The following BCAS3 variants were observed in gnomAD, a reference collection of about 807,000 sequenced individuals.
The protein encoded by BCAS3 is BCAS3 microtubule associated cell migration factor, also known as BCAS4/BCAS3 fusion.
Under a neutral mutation model 116.1 loss-of-function variants are expected in BCAS3, and 53 were observed. The observed-to-expected ratio is 0.46, with a 90% confidence interval of 0.37 to 0.57. BCAS3 has a LOEUF of 0.57. BCAS3 is among the 20% of genes least tolerant of loss of function. The probability of loss-of-function intolerance (pLI) is 0.00; values close to 1 mark genes in which losing one functional copy is unlikely to be tolerated. For missense variants in BCAS3, 917 were observed against 1,165.4 expected, an observed-to-expected ratio of 0.79 and a Z score of 3.10; for synonymous variants, 391 against 408.2, an observed-to-expected ratio of 0.96 and a Z score of 0.51.
chr17:61,312,068 G>A (rs536342997), intron 22 of BCAS3, among the ~76,000 whole-genome samples: 1 of 152,348 alleles, frequency 6.6e-6, no homozygotes, highest in Admixed American at 6.5e-5. Context: ...AACAGGAGGG[G>A]AGAATCGTTT....
At chr17:60,899,115 G>A (rs1041049612) in intron 10 of BCAS3, among the ~76,000 whole-genome samples, 1 of 152,134 alleles carries the variant, frequency 6.6e-6, no homozygotes, top group Non-Finnish European at 1.5e-5. Flanking sequence ...GGTGGGTGGG[G>A]ACAGGGTAAT....
At position 61,034,868 on chromosome 17, in the gene BCAS3, G is replaced by C. The variant is rs2066897668; in HGVS notation, c.1762+78G>C. 9 of 1,408,946 alleles carry C rather than the reference G, an allele frequency of 6.4e-6. No homozygotes were observed. The highest frequency in any genetic ancestry group is 1.5e-5 in the African/African-American group (1 of 68,518). The allele number at this position is 1,408,946 out of a possible 1,614,324, so 87.3% of individuals were successfully genotyped here. On this transcript the variant is annotated intron_variant, in intron 17 of 23. Transcript: ENST00000407086. The surrounding 1 kb of genome is among the most constrained non-coding windows in gnomAD (Gnocchi z 5.0). The stretch of plus-strand genomic sequence containing the variant: ...AGGAAAATTTTTAGCAGTTTCCCTA[G>C]AATAATCTTGTACCCAGTAGTCTGG...
At chr17:61,018,722 G>A (rs1337356621) in intron 16 of BCAS3, among the ~76,000 whole-genome samples, 2 of 152,020 alleles carry the variant, frequency 1.3e-5, no homozygotes, top group Non-Finnish European at 1.5e-5. Flanking sequence ...AACATGTTAC[G>A]TTTTTGCAGC....
chr17:60,857,224 C>T (rs2053757125), intron 7 of BCAS3, among the ~76,000 whole-genome samples: 1 of 152,176 alleles, frequency 6.6e-6, no homozygotes, highest in South Asian at 2.1e-4. Flanking sequence ...GCACAAATTA[C>T]AGATTTTTAA....
intron 6 of BCAS3, among the ~76,000 whole-genome samples, chr17:60,771,705 C>T (rs568939367): frequency 6.6e-6 from 1 of 152,172 alleles, no homozygotes; most frequent in African/African-American, 2.4e-5. Flanking sequence ...TCCCCTGTCC[C>T]CCTATCCCAC....
In BCAS3 at chr17:61,392,322, C is replaced by A; in HGVS notation, c.*197C>A. 1 of 618,016 alleles carries A rather than the reference C, an allele frequency of 1.6e-6. No homozygotes were observed. Among genetic ancestry groups the A allele is most frequent in the Non-Finnish European group, 2.7e-6 (1 of 365,552 alleles). 38.3% of individuals were successfully genotyped at this position (618,016 alleles called of 1,614,324 possible). On this transcript the variant is annotated 3_prime_UTR_variant, in exon 24 of 24. Coordinates refer to ENST00000407086, the MANE Select transcript of BCAS3 (RefSeq NM_017679.5). This position sits in a 1 kb window ranked among gnomAD's most constrained non-coding sequence, Gnocchi z 6.4. The stretch of plus-strand genomic sequence containing the variant: ...GCACCTCAGCGCACTTGCCCTCTGC[C>A]ACACCTGTCGGTGGAGGCTGTGGCC...
intron 12 of BCAS3, 119 bp from the exon 13 acceptor site, chr17:60,924,288 C>A: frequency 1.3e-6 from 1 of 781,008 alleles, no homozygotes; most frequent in Non-Finnish European, 2.1e-6. Flanking sequence ...CAAGAATAAT[C>A]TGCTAGAGTG....
intron 5 of BCAS3, among the ~76,000 whole-genome samples, chr17:60,732,070 C>G (rs1441522340): frequency 6.6e-6 from 1 of 152,122 alleles, no homozygotes; most frequent in South Asian, 2.1e-4. Context: ...CCACCGCGCC[C>G]GGCCAGCCCT....
intron 9 of BCAS3, among the ~76,000 whole-genome samples, chr17:60,877,797 C>A (rs2055751402): frequency 1.3e-5 from 2 of 152,140 alleles, no homozygotes; most frequent in Admixed American, 1.3e-4. Flanking sequence ...ATCACTTATT[C>A]TCTCAGAGTA....
intron 22 of BCAS3, among the ~76,000 whole-genome samples, chr17:61,254,552 G>A (rs184196641): frequency 0.014 from 2,109 of 152,074 alleles, 16 homozygotes; most frequent in Middle Eastern, 0.051. Context: ...GCCGTGGCGG[G>A]CGGATCACAG....
intron 22 of BCAS3, among the ~76,000 whole-genome samples, chr17:61,273,113 T>A (rs34431298): frequency 0.068 from 10,264 of 151,922 alleles, 459 homozygotes; most frequent in African/African-American, 0.12. Context: ...TTATTTTATT[T>A]TTTTTTTTTT....
In BCAS3 at chr17:61,392,124, A is replaced by G; in HGVS notation, c.2741A>G (p.Ter914TrpextTer7). The change falls in exon 24 of 24, where the codon TAG becomes TGG. Residue 914 changes from the stop codon to tryptophan, a stop_lost. Coordinates refer to ENST00000407086, the MANE Select transcript of BCAS3 (RefSeq NM_017679.5). This position sits in a 1 kb window ranked among gnomAD's most constrained non-coding sequence, Gnocchi z 6.4. ...PLSLFPTGFP[*>W] ...AGCCTCTTCCCGACTGGCTTCCCGT[A>G]GGTACCAGCAACCTGCTTCTGACTG... The G allele has an allele frequency of 6.2e-7, 1 of 1,612,918 alleles. No individual in the cohort carries two copies. Among genetic ancestry groups the G allele is most frequent in the South Asian group, 1.1e-5 (1 of 90,996 alleles).
chr17:60,808,682 T>A (rs1042937995), intron 7 of BCAS3, among the ~76,000 whole-genome samples: 3 of 152,220 alleles, frequency 2.0e-5, no homozygotes, highest in Non-Finnish European at 4.4e-5. Context: ...TACTCAGCAC[T>A]TTGCCGGGTG....
intron 22 of BCAS3, among the ~76,000 whole-genome samples, chr17:61,359,062 C>T (rs1261867671): frequency 6.6e-6 from 1 of 152,144 alleles, no homozygotes; most frequent in Non-Finnish European, 1.5e-5. Context: ...TACGCTTTCA[C>T]TCCCCACCAA....
rs920240596 is a variant in BCAS3, at chr17:61,097,737, A to G, written c.2425+13173A>G. On this transcript the variant is annotated intron_variant, in intron 22 of 23. Transcript: ENST00000407086. This position sits in a 1 kb window ranked among gnomAD's most constrained non-coding sequence, Gnocchi z 4.0. ...GTCTCATCTCATTTAATCTTCTTTA[A>G]TTAGGATCAAGGTCCATTTTAGCAA... Among the ~76,000 whole-genome samples the G allele has an allele frequency of 2.0e-5, 3 of 152,178 alleles. No homozygotes were observed. The East Asian group carries it at 5.8e-4, about 29-fold the overall frequency.
chr17:60,734,822 C>T (rs996448529), intron 5 of BCAS3, among the ~76,000 whole-genome samples: 11 of 152,120 alleles, frequency 7.2e-5, no homozygotes, highest in Non-Finnish European at 1.5e-4. Flanking sequence ...TTTACCTCTC[C>T]ATAGAAACTT....
intron 22 of BCAS3, among the ~76,000 whole-genome samples, chr17:61,207,118 C>T (rs1248533662): frequency 6.6e-6 from 1 of 152,118 alleles, no homozygotes; most frequent in Non-Finnish European, 1.5e-5. Context: ...TGAACTCTTG[C>T]AGTGTGCCAA....
rs996481711 is a variant in BCAS3 at position 61,007,576 on chromosome 17, A to G, written c.1487-8175A>G. The stretch of plus-strand genomic sequence containing the variant: ...TCGTACATAAATATATACAGTTTCA[A>G]TTCTCCTGAAAGTACACTTTTAATT... On this transcript the variant is annotated intron_variant, in intron 15 of 23. Transcript: ENST00000407086. This position sits in a 1 kb window ranked among gnomAD's most constrained non-coding sequence, Gnocchi z 4.3. Among the ~76,000 whole-genome samples, 2 of 152,038 alleles carry G rather than the reference A, an allele frequency of 1.3e-5. No individual in the cohort carries two copies. Among genetic ancestry groups the G allele is most frequent in the East Asian group, 3.9e-4 (2 of 5,194 alleles).
chr17:61,117,330 C>G (rs1191000433), intron 22 of BCAS3, among the ~76,000 whole-genome samples: 2 of 152,172 alleles, frequency 1.3e-5, no homozygotes, highest in Non-Finnish European at 2.9e-5. Flanking sequence ...TGATGGCTCA[C>G]ACTTGTAATC....
Sources: gnomAD v4.1 joint callset for allele counts (sites outside exome capture counted in the v4.1 genomes callset) on GRCh38, gnomAD v4.1.1 for gene constraint, Gnocchi (gnomAD v3.1) non-coding constraint, MANE v1.5 for transcripts, NCBI Gene and HGNC (gene_info 2026-07-23, HGNC 2026-07-21) for gene names.